The following BAZ2B variants were observed in gnomAD, a reference collection of about 807,000 sequenced individuals.
BAZ2B encodes the protein bromodomain adjacent to zinc finger domain 2B.
Under a neutral mutation model 246.0 loss-of-function variants are expected in BAZ2B, and 91 were observed. That is an observed-to-expected ratio of 0.37 (90% CI 0.31 to 0.44). The LOEUF (loss-of-function observed/expected upper bound fraction) is 0.44. Ranked by LOEUF, BAZ2B falls within the 20% of genes least tolerant of loss-of-function variation. BAZ2B has a pLI of 1.00. For missense variants in BAZ2B, 2,332 were observed against 2,533.7 expected (o/e 0.92, Z 1.71); for synonymous variants, 855 against 860.0 (o/e 0.99, Z 0.10).
the BAZ2B span, among the ~76,000 whole-genome samples, chr2:159,666,063 G>A: frequency 3.0e-4 from 45 of 151,186 alleles, no homozygotes; most frequent in Admixed American, 4.6e-4. Flanking sequence ...AATGGGTCAC[G>A]TTCTTCTTGT....
intron 2 of BAZ2B, among the ~76,000 whole-genome samples, chr2:159,481,088 T>C (rs746920136): frequency 6.6e-6 from 1 of 152,112 alleles, no homozygotes; most frequent in South Asian, 2.1e-4. Flanking sequence ...TATAGAAATT[T>C]AACAAATCCA....
At chr2:159,465,651 A>G (rs1466922175) in intron 3 of BAZ2B, among the ~76,000 whole-genome samples, 1 of 152,206 alleles carries the variant, frequency 6.6e-6, no homozygotes, top group Non-Finnish European at 1.5e-5. Flanking sequence ...AACAGGCGCG[A>G]TGGCTCATGC....
intron 25 of BAZ2B, among the ~76,000 whole-genome samples, chr2:159,381,912 T>C (rs1254541522): frequency 6.6e-6 from 1 of 152,210 alleles, no homozygotes; most frequent in Admixed American, 6.5e-5. Context: ...CCCAGGTTAA[T>C]GTTCAGCTCA....
At position 159,337,293 on chromosome 2, in the gene BAZ2B, A is replaced by G. The variant is rs556884751; in HGVS notation, c.5661-216T>C. Among the ~76,000 whole-genome samples the G allele has an allele frequency of 1.2e-4, 18 of 152,352 alleles. No individual in the cohort carries two copies. In the South Asian group the frequency reaches 3.7e-3, roughly 32 times the overall value. Reference sequence around the variant, plus strand: ...GGTAGATGTAAGATCACTTTGCAGGATTATCAACGCACATAACAAAAAAAA... The same window carrying G: ...GGTAGATGTAAGATCACTTTGCAGGGTTATCAACGCACATAACAAAAAAAA... On this transcript the variant is annotated intron_variant, in intron 32 of 36. Transcript: ENST00000392783.
the BAZ2B span, among the ~76,000 whole-genome samples, chr2:159,625,943 A>G: frequency 6.6e-6 from 1 of 152,096 alleles, no homozygotes; most frequent in African/African-American, 2.4e-5. Context: ...TCACATGCAA[A>G]GATGCACACA....
intron 2 of BAZ2B, among the ~76,000 whole-genome samples, chr2:159,532,132 A>G (rs1339125910): frequency 6.6e-6 from 1 of 152,204 alleles, no homozygotes; most frequent in Admixed American, 6.5e-5. Context: ...AATTGAAAAC[A>G]CTAAAACAAT....
chr2:159,433,068 G>A lies in BAZ2B; in HGVS notation c.1589C>T (p.Pro530Leu), dbSNP rs3732287. The A allele has an allele frequency of 0.017, 27,263 of 1,614,156 alleles. 590 individuals carry two copies. The highest frequency in any genetic ancestry group is 0.13 in the East Asian group (5,814 of 44,882). Reference sequence around the variant, plus strand: ...ACTCAGATTTACAGGTGAGGAAAAAGGGGTGCTACTTGCAGCAGCAATGTT... The same window carrying A: ...ACTCAGATTTACAGGTGAGGAAAAAAGGGTGCTACTTGCAGCAGCAATGTT... The part of the protein sequence containing the change: ...NENIAAASST[P>L]FSSPVNLSTS... The change falls in exon 9 of 37, where the codon CCT (proline) becomes CTT (leucine). Residue 530 changes from proline (P) to leucine (L), a missense_variant. By Grantham distance (98) the Pro-to-Leu change is moderately conservative (BLOSUM62 -3). This residue lies in a region of BAZ2B where 651 missense variants were observed against 650.9 expected (regional missense o/e 1.00). Coordinates refer to ENST00000392783, the MANE Select transcript of BAZ2B (RefSeq NM_013450.4).
intron 1 of BAZ2B, among the ~76,000 whole-genome samples, chr2:159,593,134 C>T (rs912111324): frequency 3.3e-5 from 5 of 152,188 alleles, no homozygotes; most frequent in African/African-American, 1.2e-4. Context: ...AAAGAAAATA[C>T]ATGTTCACTT....
At chr2:159,396,397 TA>T (rs916547918) in intron 19 of BAZ2B, 1 of 152,226 alleles carries the variant, frequency 6.6e-6, no homozygotes, top group African/African-American at 2.4e-5. Context: ...TTAGTTAAAC[TA>T]GTCTTGTTTC....
At chr2:159,389,297 G>A (rs762083181) in intron 21 of BAZ2B, 48 bp downstream of exon 21, 1 of 1,503,080 alleles carries the variant, frequency 6.7e-7, no homozygotes, top group South Asian at 1.3e-5. Context: ...AAGAAAACTG[G>A]AAAAATTAAA....
chr2:159,632,668 G>C, the BAZ2B span, among the ~76,000 whole-genome samples: 31 of 152,074 alleles, frequency 2.0e-4, no homozygotes, highest in Non-Finnish European at 1.5e-5. Flanking sequence ...CTTAATGTGG[G>C]CTATAATTTA....
At chr2:159,430,314 A>T (rs2070847228) in intron 10 of BAZ2B, among the ~76,000 whole-genome samples, 2 of 152,200 alleles carry the variant, frequency 1.3e-5, no homozygotes, top group African/African-American at 2.4e-5. Flanking sequence ...CCAGGTAATG[A>T]AGAGTCAATA....
At position 159,549,824 on chromosome 2, in the gene BAZ2B, C is replaced by CTTTCT. The variant is rs1553710770; in HGVS notation, c.-3+5998_-3+5999insAGAAA. 6.3e-4 allele frequency among the ~76,000 whole-genome samples: 83 copies of CTTTCT among 131,114 alleles called. 1 individual carries two copies. Among genetic ancestry groups the CTTTCT allele is most frequent in the East Asian group, 3.8e-3 (17 of 4,442 alleles). 86.0% of individuals were successfully genotyped at this position (131,114 alleles called of 152,430 possible). On this transcript the variant is annotated intron_variant, in intron 2 of 36. Coordinates refer to ENST00000392783, the MANE Select transcript of BAZ2B (RefSeq NM_013450.4). ...CACACTGGCATAAACTTTTTTCTTT[C>CTTTCT]TTTTTTTTTTTTTTTTTGATACAGA...
intron 2 of BAZ2B, among the ~76,000 whole-genome samples, chr2:159,517,749 G>C (rs573828737): frequency 1.3e-5 from 2 of 152,094 alleles, no homozygotes; most frequent in Non-Finnish European, 2.9e-5. Context: ...TGTGCCAAGG[G>C]TATAGAATCT....
intron 19 of BAZ2B, 75 bp downstream of exon 19, chr2:159,397,270 G>T (rs2064166818): frequency 3.8e-6 from 5 of 1,317,944 alleles, no homozygotes; most frequent in Non-Finnish European, 4.2e-6. Flanking sequence ...ATATTTTGAA[G>T]ATTTTCCCCC....
chr2:159,698,867 G>A, the BAZ2B span, among the ~76,000 whole-genome samples: 1 of 152,138 alleles, frequency 6.6e-6, no homozygotes, highest in Non-Finnish European at 1.5e-5. Flanking sequence ...AACTTGAACT[G>A]AAGATTTTCT....
At chr2:159,590,423 C>G (rs1167899161) in intron 1 of BAZ2B, among the ~76,000 whole-genome samples, 1 of 151,696 alleles carries the variant, frequency 6.6e-6, no homozygotes, top group Non-Finnish European at 1.5e-5. Context: ...AACCCTGTCT[C>G]TACTAAAAAT....
Position 159,571,833 on chromosome 2 carries a change from C to T in BAZ2B, c.-45-15968G>A, listed in dbSNP as rs1684086302. Among the ~76,000 whole-genome samples the T allele has an allele frequency of 2.0e-5, 3 of 152,280 alleles. No homozygotes were observed. The South Asian group carries it at 6.2e-4, about 32-fold the overall frequency. On this transcript the variant is annotated intron_variant, in intron 1 of 36. Transcript: ENST00000392783. ...GATAAAGAGAGGATATCTGTCAAAT[C>T]CATCTCTTGATCAGGAGCCTACTCC...
intron 1 of BAZ2B, among the ~76,000 whole-genome samples, chr2:159,589,156 C>A (rs949973355): frequency 1.3e-5 from 2 of 152,156 alleles, no homozygotes; most frequent in Non-Finnish European, 2.9e-5. Context: ...ATGAAGACTG[C>A]TGCCACTCAT....
Sources: gnomAD v4.1 joint callset for allele counts (sites outside exome capture counted in the v4.1 genomes callset) on GRCh38, gnomAD v4.1.1 for gene constraint, gnomAD v4.1.1 regional missense constraint, MANE v1.5 for transcripts, NCBI Gene and HGNC (gene_info 2026-07-23, HGNC 2026-07-21) for gene names.